Variants in AMBRA1 observed in about 807,000 individuals in gnomAD.
AMBRA1 encodes autophagy and beclin 1 regulator 1, also known as activating molecule in BECN1-regulated autophagy protein 1.
AMBRA1 carries 47 observed loss-of-function variants against 125.4 expected under a neutral mutation model. The observed-to-expected ratio is 0.37, with a 90% CI of 0.30 to 0.48. The LOEUF (loss-of-function observed/expected upper bound fraction) is 0.48. Ranked by LOEUF, AMBRA1 falls within the 20% of genes least tolerant of loss-of-function variation. The probability of loss-of-function intolerance (pLI) is 0.99; values close to 1 mark genes in which losing one functional copy is unlikely to be tolerated. For synonymous variants in AMBRA1, 626 were observed against 655.5 expected (o/e 0.95, Z 0.69); for missense variants, 1,331 against 1,693.4 (o/e 0.79, Z 3.76).
At chr11:46,553,985 T>C (rs1359309594) in intron 1 of AMBRA1, among the ~76,000 whole-genome samples, 2 of 152,128 alleles carry the variant, frequency 1.3e-5, no homozygotes, top group African/African-American at 4.8e-5. Flanking sequence ...CCCTGACAAC[T>C]CATAGATTAG....
At chr11:46,509,524 T>G (rs1232995835) in intron 8 of AMBRA1, among the ~76,000 whole-genome samples, 1 of 152,172 alleles carries the variant, frequency 6.6e-6, no homozygotes, top group South Asian at 2.1e-4. Context: ...ATTGTCAGCA[T>G]TAGTGAAAAA....
intron 11 of AMBRA1, among the ~76,000 whole-genome samples, chr11:46,451,527 T>C (rs929229341): frequency 5.3e-5 from 8 of 152,190 alleles, no homozygotes; most frequent in African/African-American, 1.7e-4. Flanking sequence ...ATGAAAAGTA[T>C]GATTCAACAG....
At chr11:46,432,103 C>A (rs761842679) in intron 14 of AMBRA1, among the ~76,000 whole-genome samples, 1 of 152,074 alleles carries the variant, frequency 6.6e-6, no homozygotes, top group African/African-American at 2.4e-5. Context: ...TCAGGTTCCG[C>A]ATGAAGTTCT....
chr11:46,433,744 G>T (rs1310542870), intron 13 of AMBRA1, 116 bp from the exon 14 acceptor site: 38 of 1,107,442 alleles, frequency 3.4e-5, no homozygotes, highest in Non-Finnish European at 4.5e-5. Flanking sequence ...GCTCATCCTG[G>T]TGTTATCTCA....
intron 11 of AMBRA1, among the ~76,000 whole-genome samples, chr11:46,459,816 C>A (rs994843854): frequency 1.2e-4 from 18 of 151,120 alleles, no homozygotes; most frequent in Admixed American, 1.2e-3. Context: ...ATACATTTTA[C>A]TATTTAATCT....
At chr11:46,568,772 CAA>C (rs199607275) in intron 1 of AMBRA1, among the ~76,000 whole-genome samples, 8 of 92,384 alleles carry the variant, frequency 8.7e-5, no homozygotes, top group Admixed American at 4.0e-4. Context: ...AACTCCATCT[CAA>C]AAAAAAAAAA....
At chr11:46,519,726 T>C (rs1951674754) in intron 7 of AMBRA1, among the ~76,000 whole-genome samples, 1 of 152,216 alleles carries the variant, frequency 6.6e-6, no homozygotes, top group South Asian at 2.1e-4. Flanking sequence ...AAAATCCAGA[T>C]TCCTCAGCAG....
intron 7 of AMBRA1, among the ~76,000 whole-genome samples, chr11:46,517,391 C>T (rs1229804056): frequency 6.7e-6 from 1 of 150,198 alleles, no homozygotes; most frequent in Non-Finnish European, 1.5e-5. Flanking sequence ...TCAGGTGATC[C>T]ACCCGCCTCG....
chr11:46,491,677 G>A (rs1001341049), intron 11 of AMBRA1, among the ~76,000 whole-genome samples: 1 of 152,166 alleles, frequency 6.6e-6, no homozygotes, highest in African/African-American at 2.4e-5. Flanking sequence ...TCAAGAGTGA[G>A]GTTCTAGGGA....
intron 6 of AMBRA1, 53 bp downstream of exon 6, chr11:46,543,922 T>C: frequency 7.1e-7 from 1 of 1,403,250 alleles, no homozygotes; most frequent in Admixed American, 1.8e-5. Context: ...GGAATACTAG[T>C]TAAGAAAAGA....
intron 14 of AMBRA1, among the ~76,000 whole-genome samples, chr11:46,423,171 A>G (rs1007968784): frequency 1.3e-5 from 2 of 152,200 alleles, no homozygotes; most frequent in Admixed American, 1.3e-4. Context: ...AGAAATGCAC[A>G]TATCCTAGAG....
chr11:46,496,805 T>A (rs1352650264), intron 9 of AMBRA1, among the ~76,000 whole-genome samples: 94 of 139,300 alleles, frequency 6.7e-4, no homozygotes, highest in African/African-American at 2.2e-3. Flanking sequence ...TCCCTTCATT[T>A]AAAAAAAAAA....
At chr11:46,463,789 T>A (rs1949205258) in intron 11 of AMBRA1, among the ~76,000 whole-genome samples, 1 of 152,180 alleles carries the variant, frequency 6.6e-6, no homozygotes, top group Admixed American at 6.5e-5. Flanking sequence ...AGGGGAAATA[T>A]AACTGCAGCC....
chr11:46,401,117 T>C (rs1339485223), intron 17 of AMBRA1, among the ~76,000 whole-genome samples: 1 of 152,204 alleles, frequency 6.6e-6, no homozygotes, highest in Non-Finnish European at 1.5e-5. Context: ...CTGTGCTCAC[T>C]GTAGCCCCAA....
At chr11:46,476,019 A>G (rs989002172) in intron 11 of AMBRA1, among the ~76,000 whole-genome samples, 4 of 152,202 alleles carry the variant, frequency 2.6e-5, no homozygotes, top group Non-Finnish European at 5.9e-5. Flanking sequence ...TCACTCTTCC[A>G]TATAGGGGAG....
At chr11:46,436,338 G>A (rs139983280) in intron 12 of AMBRA1, among the ~76,000 whole-genome samples, 6 of 152,328 alleles carry the variant, frequency 3.9e-5, no homozygotes, top group African/African-American at 1.4e-4. Context: ...CCTGTGTGTT[G>A]CTAATGAGAT....
intron 4 of AMBRA1, 94 bp downstream of exon 4, chr11:46,547,019 C>G: frequency 7.9e-7 from 1 of 1,259,994 alleles, no homozygotes; most frequent in South Asian, 1.6e-5. Context: ...TGCAGCGAGC[C>G]AAGATCACAC....
intron 1 of AMBRA1, among the ~76,000 whole-genome samples, chr11:46,560,907 T>G (rs575663615): frequency 6.6e-6 from 1 of 152,254 alleles, no homozygotes; most frequent in East Asian, 1.9e-4. Flanking sequence ...ACCTAATGAC[T>G]TTGGCAACAA....
At chr11:46,503,353 G>A (rs1349189272) in intron 9 of AMBRA1, among the ~76,000 whole-genome samples, 1 of 152,150 alleles carries the variant, frequency 6.6e-6, no homozygotes, top group Admixed American at 6.5e-5. Flanking sequence ...AGTGAGTGGA[G>A]CAGTCAAAAT....
Sources: allele counts gnomAD v4.1 joint callset (sites outside exome capture counted in the v4.1 genomes callset), GRCh38; gene constraint gnomAD v4.1.1; transcripts MANE v1.5; gene names NCBI Gene and HGNC (gene_info 2026-07-23, HGNC 2026-07-21).